The following EHD4 variants were observed in gnomAD, a reference collection of about 807,000 sequenced individuals.
The protein encoded by EHD4 is EH domain containing 4.
In EHD4, 37 loss-of-function variants were observed where a neutral mutation model predicts 51.0. That is an observed-to-expected ratio of 0.73 (90% CI 0.56 to 0.95). The LOEUF is 0.95. EHD4 is among the 40% of genes least tolerant of loss of function. The pLI is 0.00. For missense variants in EHD4, 632 were observed against 733.1 expected, an observed-to-expected ratio of 0.86 and a Z score of 1.59; for synonymous variants, 297 against 317.3, an observed-to-expected ratio of 0.94 and a Z score of 0.68.
chr15:41,901,373 T>G (rs12441018), intron 5 of EHD4, among the ~76,000 whole-genome samples, 192 bp from the exon 6 acceptor site: 38,780 of 152,196 alleles, frequency 0.25, 5,779 homozygotes, highest in Admixed American at 0.37. Context: ...AAGAAACAAG[T>G]GTTTTTCCTA....
At chr15:41,920,995 T>C (rs1358443772) in intron 3 of EHD4, among the ~76,000 whole-genome samples, 3 of 152,128 alleles carry the variant, frequency 2.0e-5, no homozygotes, top group Non-Finnish European at 4.4e-5. Context: ...GAATAATCTA[T>C]TAGGTGAAAA....
At chr15:41,970,155 T>C (rs2067986649) in intron 1 of EHD4, among the ~76,000 whole-genome samples, 1 of 152,162 alleles carries the variant, frequency 6.6e-6, no homozygotes, top group African/African-American at 2.4e-5. Context: ...GGGGATTTCC[T>C]CCCGGGTGCT....
intron 3 of EHD4, among the ~76,000 whole-genome samples, chr15:41,937,002 C>T (rs1346303525): frequency 6.6e-6 from 1 of 152,230 alleles, no homozygotes; most frequent in Non-Finnish European, 1.5e-5. Context: ...TGGGCCCCAG[C>T]CTCCAGGGAT....
At chr15:41,907,383 T>A (rs1049056068) in intron 5 of EHD4, among the ~76,000 whole-genome samples, 12 of 152,196 alleles carry the variant, frequency 7.9e-5, no homozygotes, top group African/African-American at 2.9e-4. Context: ...ATGGGGAAGT[T>A]GCCCAGGGAG....
At chr15:41,931,497 A>C (rs1337305475) in intron 3 of EHD4, among the ~76,000 whole-genome samples, 1 of 152,214 alleles carries the variant, frequency 6.6e-6, no homozygotes, top group Non-Finnish European at 1.5e-5. Flanking sequence ...TGGGTGACGG[A>C]GCTTCGAGAT....
rs1209334 is a variant in EHD4, at chr15:41,897,871, T to A, written c.*2774A>T. The A allele has an allele frequency of 6.6e-6, 1 of 152,058 alleles. No individual in the cohort carries two copies. The highest frequency in any genetic ancestry group is 1.9e-4 in the East Asian group (1 of 5,190). 9.4% of individuals were successfully genotyped at this position (152,058 alleles called of 1,614,324 possible). Reference sequence around the variant, plus strand: ...CTCTCTCCTATACATAAACACTCTGTGGAAGAGGTTCTTTGAAAATTGGGG... The same window carrying A: ...CTCTCTCCTATACATAAACACTCTGAGGAAGAGGTTCTTTGAAAATTGGGG... On this transcript the variant is annotated 3_prime_UTR_variant, in exon 6 of 6. Coordinates refer to ENST00000220325, the MANE Select transcript of EHD4 (RefSeq NM_139265.4).
Position 41,972,513 on chromosome 15 carries a change from T to A in EHD4, c.-19A>T, listed in dbSNP as rs1345323758. Reference sequence around the variant, plus strand: ...TGAACATCCTGCCGCCAGTCCACGCTCGGATGGGACCCTGCTCCGGGTTCG... The same window carrying A: ...TGAACATCCTGCCGCCAGTCCACGCACGGATGGGACCCTGCTCCGGGTTCG... On this transcript the variant is annotated 5_prime_UTR_variant, in exon 1 of 6. Transcript: ENST00000220325. 2.7e-6 allele frequency: 4 copies of A among 1,491,138 alleles called. No homozygotes were observed. In the African/African-American group the frequency reaches 5.8e-5, roughly 22 times the overall value. 92.4% of individuals were successfully genotyped at this position (1,491,138 alleles called of 1,614,324 possible). A position where few individuals can be genotyped will look rare whatever the true frequency, so the allele number is the denominator to read the frequency against.
chr15:41,951,941 T>A (rs1426049839), intron 2 of EHD4, among the ~76,000 whole-genome samples: 1 of 152,224 alleles, frequency 6.6e-6, no homozygotes, highest in Non-Finnish European at 1.5e-5. Context: ...CCTATCACCA[T>A]CAGTAATAAG....
At chr15:41,943,235 G>A (rs1215248184) in intron 2 of EHD4, 71 bp from the exon 3 acceptor site, 6 of 1,177,696 alleles carry the variant, frequency 5.1e-6, no homozygotes, top group South Asian at 2.8e-5. Context: ...GGGGCTTCTT[G>A]GCCTCTCTGG....
At chr15:41,933,460 G>A (rs1047822807) in intron 3 of EHD4, among the ~76,000 whole-genome samples, 3 of 152,192 alleles carry the variant, frequency 2.0e-5, no homozygotes, top group African/African-American at 7.2e-5. Flanking sequence ...TTTAGAGCAG[G>A]GGAAAATGAA....
chr15:41,934,057 C>T (rs4286082), intron 3 of EHD4, among the ~76,000 whole-genome samples: 96,848 of 151,952 alleles, frequency 0.64, 31,076 homozygotes, highest in Middle Eastern at 0.71. Context: ...TTCTCCCCTC[C>T]GTTCTCTGAG....
Position 41,919,578 on chromosome 15 carries a change from C to CTTT in EHD4, c.555_556insAAA (p.Val185_Asp186insLys). ...GCGTCAAAGAGCAGGATGATCCTGTCCACCCTCTCGGCAAACCACTGCAGG... is the reference window on the plus strand; with the variant it reads ...GCGTCAAAGAGCAGGATGATCCTGTCTTTCACCCTCTCGGCAAACCACTGCAGG... On this transcript the variant is annotated inframe_insertion, in exon 4 of 6. Transcript: ENST00000220325. 3 of 1,519,308 alleles carry CTTT rather than the reference C, an allele frequency of 2.0e-6. No individual in the cohort carries two copies. Among genetic ancestry groups the CTTT allele is most frequent in the Admixed American group, 2.2e-5 (1 of 44,552 alleles). 94.1% of individuals were successfully genotyped at this position (1,519,308 alleles called of 1,614,324 possible). A position where few individuals can be genotyped will look rare whatever the true frequency, so the allele number is the denominator to read the frequency against.
In EHD4 at chr15:41,899,711, C is replaced by G. The variant is rs1048175; in HGVS notation, c.*934G>C. 0.5 allele frequency: 76,410 copies of G among 151,922 alleles called. 20,275 individuals are homozygous for G. The highest frequency in any genetic ancestry group is 0.64 in the African/African-American group (26,668 of 41,424). The allele number at this position is 151,922 out of a possible 1,614,324, so 9.4% of individuals were successfully genotyped here. ...ATCCTGCCACCCACCAAGGAGACCTCGGGATATTTAATGTTTGAGGGCCAC... is the reference window on the plus strand; with the variant it reads ...ATCCTGCCACCCACCAAGGAGACCTGGGGATATTTAATGTTTGAGGGCCAC... On this transcript the variant is annotated 3_prime_UTR_variant, in exon 6 of 6. Transcript: ENST00000220325.
Position 41,900,554 on chromosome 15 carries a change from G to C in EHD4, c.*91C>G. ...GGGAAACCAAGGCACAGAGAGGGCA[G>C]TGCCTTGCCCAAGGTCATTCGGTGA... On this transcript the variant is annotated 3_prime_UTR_variant, in exon 6 of 6. Coordinates refer to ENST00000220325, the MANE Select transcript of EHD4 (RefSeq NM_139265.4). This position sits in a 1 kb window ranked among gnomAD's most constrained non-coding sequence, Gnocchi z 4.8. 7.4e-7 allele frequency: 1 copy of C among 1,345,474 alleles called. No homozygotes were observed. Among genetic ancestry groups the C allele is most frequent in the African/African-American group, 1.5e-5 (1 of 68,782 alleles). 83.3% of individuals were successfully genotyped at this position (1,345,474 alleles called of 1,614,324 possible).
intron 5 of EHD4, among the ~76,000 whole-genome samples, chr15:41,902,783 A>G (rs1361084421): frequency 6.7e-6 from 1 of 149,296 alleles, no homozygotes; most frequent in Non-Finnish European, 1.5e-5. Context: ...GTGTGTATAT[A>G]TATGTATGTG....
intron 1 of EHD4, 51 bp downstream of exon 1, chr15:41,972,208 C>A (rs1423685460): frequency 7.0e-7 from 1 of 1,437,068 alleles, no homozygotes; most frequent in Admixed American, 2.3e-5. Flanking sequence ...GCGGCGCACA[C>A]GTGGGGAGGG....
intron 1 of EHD4, among the ~76,000 whole-genome samples, chr15:41,955,250 A>G (rs1390182855): frequency 7.0e-6 from 1 of 141,952 alleles, no homozygotes; most frequent in African/African-American, 3.1e-5. Flanking sequence ...CGTTTTATTT[A>G]CAGGTGGGAA....
intron 1 of EHD4, among the ~76,000 whole-genome samples, chr15:41,966,914 A>G (rs2067965255): frequency 6.6e-6 from 1 of 152,114 alleles, no homozygotes; most frequent in Non-Finnish European, 1.5e-5. Flanking sequence ...CTCACTTAAG[A>G]GTCCTGTGCA....
At chr15:41,939,636 C>A (rs2067754006) in intron 3 of EHD4, among the ~76,000 whole-genome samples, 1 of 150,938 alleles carries the variant, frequency 6.6e-6, no homozygotes, top group African/African-American at 2.4e-5. Context: ...CCCGTCACTT[C>A]TAAAAATACA....
Sources: gnomAD v4.1 joint callset for allele counts (sites outside exome capture counted in the v4.1 genomes callset) on GRCh38, gnomAD v4.1.1 for gene constraint, Gnocchi (gnomAD v3.1) non-coding constraint, MANE v1.5 for transcripts, NCBI Gene and HGNC (gene_info 2026-07-23, HGNC 2026-07-21) for gene names.